Variants in ASIC2 observed in about 807,000 individuals in gnomAD.
ASIC2 encodes the protein acid sensing ion channel subunit 2.
Under a neutral mutation model 57.3 loss-of-function variants are expected in ASIC2, and 25 were observed. That is an observed-to-expected ratio of 0.44 (90% CI 0.32 to 0.61). The LOEUF is 0.61. Ranked by LOEUF, ASIC2 falls within the 20% of genes least tolerant of loss-of-function variation. The pLI is 0.06. For missense variants in ASIC2, 641 were observed against 738.1 expected, an observed-to-expected ratio of 0.87 and a Z score of 1.52; for synonymous variants, 319 against 307.5, an observed-to-expected ratio of 1.04 and a Z score of -0.39.
chr17:33,203,631 C>G (rs1246150244), intron 1 of ASIC2, among the ~76,000 whole-genome samples: 1 of 152,062 alleles, frequency 6.6e-6, no homozygotes, highest in Non-Finnish European at 1.5e-5. Context: ...TCAGTGGCCT[C>G]TTTATTCTCG....
rs529000417 is a variant in ASIC2 at position 33,560,217 on chromosome 17, A to C, written c.556-448150T>G. 2.6e-5 allele frequency among the ~76,000 whole-genome samples: 4 copies of C among 152,308 alleles called. No individual in the cohort carries two copies. In the South Asian group the frequency reaches 8.3e-4, roughly 32 times the overall value. On this transcript the variant is annotated intron_variant, in intron 1 of 9. Coordinates refer to the ASIC2 transcript ENST00000359872. Reference sequence around the variant, plus strand: ...CAATCATCAATTTGCTAAAAATAACACCTCAACCAGTTTTTCACAGAAACC... The same window carrying C: ...CAATCATCAATTTGCTAAAAATAACCCCTCAACCAGTTTTTCACAGAAACC...
intron 1 of ASIC2, among the ~76,000 whole-genome samples, chr17:33,681,660 C>T (rs138516526): frequency 2.3e-4 from 35 of 152,362 alleles, no homozygotes; most frequent in Non-Finnish European, 3.8e-4. Flanking sequence ...TTACTCACGC[C>T]GTTCCTGCTT....
intron 8 of ASIC2, among the ~76,000 whole-genome samples, chr17:33,016,830 C>T (rs1425684834): frequency 6.6e-6 from 1 of 152,144 alleles, no homozygotes; most frequent in Non-Finnish European, 1.5e-5. Context: ...TTGCCATTTT[C>T]AGGGGCACAC....
chr17:34,026,649 T>C (rs1000609820), intron 1 of ASIC2, among the ~76,000 whole-genome samples: 2 of 152,242 alleles, frequency 1.3e-5, no homozygotes, highest in African/African-American at 4.8e-5. Context: ...TTCTGCTCTC[T>C]CCATGGCTCT....
intron 1 of ASIC2, among the ~76,000 whole-genome samples, chr17:33,355,544 T>C (rs1220954348): frequency 6.6e-6 from 1 of 152,190 alleles, no homozygotes; most frequent in Admixed American, 6.5e-5. Context: ...CCCAGGCTCC[T>C]TCCTCCCTTT....
chr17:33,072,984 C>A (rs2092075292), intron 3 of ASIC2, among the ~76,000 whole-genome samples: 1 of 152,236 alleles, frequency 6.6e-6, no homozygotes, highest in Admixed American at 6.5e-5. Context: ...GGGCACAATG[C>A]TGTATTTTTC....
At chr17:33,890,079 C>A (rs1025528713) in intron 1 of ASIC2, among the ~76,000 whole-genome samples, 1 of 152,114 alleles carries the variant, frequency 6.6e-6, no homozygotes, top group South Asian at 2.1e-4. Context: ...AGCCACAAGT[C>A]GTTATTTAAA....
In ASIC2 at chr17:33,070,573, T is replaced by C. The variant is rs147226048; in HGVS notation, c.987+18290A>G. Among the ~76,000 whole-genome samples the C allele has an allele frequency of 8.2e-3, 1,243 of 152,260 alleles. 21 individuals are homozygous for C. Among genetic ancestry groups the C allele is most frequent in the African/African-American group, 0.028 (1,182 of 41,546 alleles). ...GTATGGTCTCGATCTCTTGACCTTG[T>C]GATCCGCCCACCTCAGCCTCCCAAA... is the stretch of plus-strand genomic sequence containing the variant. On this transcript the variant is annotated intron_variant, in intron 3 of 9. Coordinates refer to ENST00000225823, the MANE Select transcript of ASIC2 (RefSeq NM_183377.2).
intron 1 of ASIC2, among the ~76,000 whole-genome samples, chr17:33,384,425 C>G (rs2089164): frequency 6.6e-6 from 1 of 151,932 alleles, no homozygotes; most frequent in Non-Finnish European, 1.5e-5. Context: ...TCTTTTTTTT[C>G]TGTGAACTGA....
chr17:33,558,509 A>G (rs929614452), intron 1 of ASIC2, among the ~76,000 whole-genome samples: 1 of 152,186 alleles, frequency 6.6e-6, no homozygotes, highest in Non-Finnish European at 1.5e-5. Flanking sequence ...AAATTTCAAA[A>G]ATTCCCAGTG....
chr17:33,951,540 C>T (rs1220366699), intron 1 of ASIC2, among the ~76,000 whole-genome samples: 4 of 151,922 alleles, frequency 2.6e-5, no homozygotes, highest in African/African-American at 4.8e-5. Context: ...GGTGCCTATA[C>T]GCTATACCTA....
chr17:33,070,709 C>T (rs1488851272), intron 3 of ASIC2, among the ~76,000 whole-genome samples: 1 of 152,128 alleles, frequency 6.6e-6, no homozygotes, highest in East Asian at 1.9e-4. Context: ...TTTGTGTGAA[C>T]CCATATTTCC....
intron 1 of ASIC2, among the ~76,000 whole-genome samples, chr17:33,280,290 A>G (rs1904887916): frequency 6.6e-6 from 1 of 152,208 alleles, no homozygotes; most frequent in African/African-American, 2.4e-5. Flanking sequence ...AAAATATTTG[A>G]TGCTCATAGA....
chr17:34,101,468 G>A (rs566537424), intron 1 of ASIC2, among the ~76,000 whole-genome samples: 11 of 152,276 alleles, frequency 7.2e-5, no homozygotes, highest in South Asian at 4.1e-4. Context: ...AACTCTCAAC[G>A]TCAAGTGAGT....
intron 1 of ASIC2, among the ~76,000 whole-genome samples, chr17:33,831,264 A>G (rs1004346175): frequency 2.6e-5 from 4 of 152,086 alleles, no homozygotes; most frequent in Non-Finnish European, 5.9e-5. Context: ...GGGCCTGCTC[A>G]TACATATCCC....
chr17:33,652,314 G>A (rs1906945836), intron 1 of ASIC2, among the ~76,000 whole-genome samples: 1 of 152,126 alleles, frequency 6.6e-6, no homozygotes, highest in Admixed American at 6.5e-5. Flanking sequence ...GATTGAATAG[G>A]CCTAGGACAC....
chr17:33,813,206 G>C (rs183502911), intron 1 of ASIC2, among the ~76,000 whole-genome samples: 1 of 152,234 alleles, frequency 6.6e-6, no homozygotes, highest in East Asian at 1.9e-4. Flanking sequence ...GGAGGACCCA[G>C]AGGTAGAGAG....
chr17:33,887,662 G>A (rs1300328119), intron 1 of ASIC2, among the ~76,000 whole-genome samples: 1 of 152,108 alleles, frequency 6.6e-6, no homozygotes, highest in Non-Finnish European at 1.5e-5. Flanking sequence ...GGTGCCTTAT[G>A]GGATGAGGAG....
At chr17:34,048,413 G>C (rs926309606) in intron 1 of ASIC2, among the ~76,000 whole-genome samples, 1 of 152,118 alleles carries the variant, frequency 6.6e-6, no homozygotes, top group Non-Finnish European at 1.5e-5. Flanking sequence ...AGCTTGCAAG[G>C]AAAGATAGTA....
Sources: allele counts gnomAD v4.1 joint callset (sites outside exome capture counted in the v4.1 genomes callset), GRCh38; gene constraint gnomAD v4.1.1; transcripts MANE v1.5; gene names NCBI Gene and HGNC (gene_info 2026-07-23, HGNC 2026-07-21).